Variants in SYNPR observed in about 807,000 individuals in gnomAD.
The protein encoded by SYNPR is synaptoporin.
A neutral mutation model predicts 32.9 loss-of-function variants in SYNPR; 23 were observed. The observed-to-expected ratio is 0.70, with a 90% CI of 0.50 to 0.99. SYNPR has a LOEUF of 0.99. SYNPR is among the 50% of genes least tolerant of loss of function. SYNPR has a pLI of 0.00. For synonymous variants in SYNPR, 146 were observed against 135.9 expected, an observed-to-expected ratio of 1.07 and a Z score of -0.52; for missense variants, 318 against 349.3, an observed-to-expected ratio of 0.91 and a Z score of 0.71.
intron 2 of SYNPR, among the ~76,000 whole-genome samples, chr3:63,288,050 T>A (rs1188420190): frequency 6.6e-6 from 1 of 152,224 alleles, no homozygotes; most frequent in Non-Finnish European, 1.5e-5. Flanking sequence ...TCCCATTTAT[T>A]CTTGTCATTA....
intron 4 of SYNPR, among the ~76,000 whole-genome samples, chr3:63,585,933 A>G (rs1417546580): frequency 6.6e-6 from 1 of 152,106 alleles, no homozygotes; most frequent in Non-Finnish European, 1.5e-5. Context: ...CTGTCAGAAT[A>G]AAAACATCTA....
chr3:63,342,251 T>C (rs2087380011), intron 2 of SYNPR, among the ~76,000 whole-genome samples: 1 of 152,224 alleles, frequency 6.6e-6, no homozygotes, highest in Admixed American at 6.5e-5. Context: ...TACACTGCCT[T>C]GATTCTTGTA....
At chr3:63,209,277 C>T in the SYNPR span, among the ~76,000 whole-genome samples, 5,408 of 135,672 alleles carry the variant, frequency 0.04, 217 homozygotes, top group East Asian at 0.17. Context: ...GAGATCGCGC[C>T]ACTGCACTCC....
intron 4 of SYNPR, among the ~76,000 whole-genome samples, chr3:63,559,544 A>C (rs1269373525): frequency 1.3e-5 from 2 of 152,192 alleles, no homozygotes; most frequent in Non-Finnish European, 2.9e-5. Flanking sequence ...TAGAGATCTG[A>C]ACCTTAAAAC....
chr3:63,413,198 C>T (rs142576697), intron 2 of SYNPR, among the ~76,000 whole-genome samples: 29 of 152,246 alleles, frequency 1.9e-4, no homozygotes, highest in East Asian at 1.5e-3. Flanking sequence ...TTTTCCATCA[C>T]GAAGCAAATT....
Position 63,589,592 on chromosome 3 carries a change from A to AAAAGC in SYNPR, c.409-19532_409-19528dup, listed in dbSNP as rs1188321828. Among the ~76,000 whole-genome samples, 4 of 151,228 alleles carry AAAAGC rather than the reference A, an allele frequency of 2.6e-5. No homozygotes were observed. In the East Asian group the frequency reaches 7.9e-4, roughly 30 times the overall value. On this transcript the variant is annotated intron_variant, in intron 4 of 5. Transcript: ENST00000478300. ...GCAAACCGAATCCAGCAGCACATCA[A>AAAAGC]AAAGCTTATCCACCATGATCAAGTG...
At chr3:63,609,717 G>A (rs1407382694) in intron 5 of SYNPR, among the ~76,000 whole-genome samples, 1 of 152,074 alleles carries the variant, frequency 6.6e-6, no homozygotes, top group African/African-American at 2.4e-5. Flanking sequence ...GACCAGACTG[G>A]CCAACATGGT....
intron 2 of SYNPR, among the ~76,000 whole-genome samples, chr3:63,388,895 A>G (rs2088093802): frequency 6.6e-6 from 1 of 152,120 alleles, no homozygotes; most frequent in Non-Finnish European, 1.5e-5. Context: ...AATTCCCATA[A>G]ACAGGAAAAA....
rs192784771 is a variant in SYNPR, at chr3:63,506,840, G to A, written c.209+25884G>A. ...CCATGCTGCCTCTGAAACATATGAC[G>A]GCCCCTGAGCACTGGGCTATGAGAA... On this transcript the variant is annotated intron_variant, in intron 3 of 5. Transcript: ENST00000478300. Among the ~76,000 whole-genome samples, 243 of 152,140 alleles carry A rather than the reference G, an allele frequency of 1.6e-3. 1 individual carries two copies. Among genetic ancestry groups the A allele is most frequent in the African/African-American group, 5.4e-3 (226 of 41,488 alleles).
At chr3:63,603,636 T>C (rs898086997) in intron 4 of SYNPR, among the ~76,000 whole-genome samples, 1 of 152,228 alleles carries the variant, frequency 6.6e-6, no homozygotes, top group Non-Finnish European at 1.5e-5. Context: ...GTTAATTTGG[T>C]AAATCACATT....
chr3:63,284,725 T>C (rs867510397), intron 2 of SYNPR, among the ~76,000 whole-genome samples: 3 of 152,212 alleles, frequency 2.0e-5, no homozygotes, highest in South Asian at 4.1e-4. Flanking sequence ...TAATTTATGC[T>C]ATTGATAACA....
chr3:63,513,644 A>T (rs1287052947), intron 3 of SYNPR, among the ~76,000 whole-genome samples: 2 of 152,150 alleles, frequency 1.3e-5, no homozygotes, highest in East Asian at 3.9e-4. Flanking sequence ...TTTGAGGGAG[A>T]ATAGAGCCAA....
intron 2 of SYNPR, among the ~76,000 whole-genome samples, chr3:63,286,481 C>G (rs1468433873): frequency 6.6e-6 from 1 of 152,128 alleles, no homozygotes; most frequent in East Asian, 1.9e-4. Flanking sequence ...CTTGGGTGTT[C>G]CCCCATAGAA....
chr3:63,381,990 C>T (rs977078725), intron 2 of SYNPR, among the ~76,000 whole-genome samples: 1 of 152,132 alleles, frequency 6.6e-6, no homozygotes, highest in East Asian at 1.9e-4. Flanking sequence ...AGAAAACTTA[C>T]CTCCTGCTTT....
chr3:63,408,860 T>G (rs1338555078), intron 2 of SYNPR, among the ~76,000 whole-genome samples: 1 of 152,128 alleles, frequency 6.6e-6, no homozygotes, highest in Non-Finnish European at 1.5e-5. Context: ...GGGAATCCAT[T>G]AATCCACTCA....
intron 4 of SYNPR, among the ~76,000 whole-genome samples, chr3:63,607,222 G>A (rs889261265): frequency 6.6e-6 from 1 of 152,098 alleles, no homozygotes; most frequent in East Asian, 1.9e-4. Context: ...CCCATATTTT[G>A]CATTTTTTAA....
chr3:63,611,943 T>C (rs1439738399), intron 5 of SYNPR, among the ~76,000 whole-genome samples: 3 of 152,194 alleles, frequency 2.0e-5, no homozygotes, highest in African/African-American at 7.2e-5. Context: ...ACATAGGTTT[T>C]GGAGTAGGAG....
intron 2 of SYNPR, among the ~76,000 whole-genome samples, chr3:63,305,239 G>T (rs905564936): frequency 3.9e-5 from 6 of 151,988 alleles, no homozygotes; most frequent in African/African-American, 1.4e-4. Flanking sequence ...CTGAGCCTGG[G>T]GGTGACTGTA....
At chr3:63,305,182 A>G (rs918766568) in intron 2 of SYNPR, among the ~76,000 whole-genome samples, 11 of 152,010 alleles carry the variant, frequency 7.2e-5, no homozygotes, top group Non-Finnish European at 1.2e-4. Context: ...GAATGAGCCT[A>G]TGTACAATCT....
Sources: allele counts gnomAD v4.1 joint callset (sites outside exome capture counted in the v4.1 genomes callset), GRCh38; gene constraint gnomAD v4.1.1; transcripts MANE v1.5; gene names NCBI Gene and HGNC (gene_info 2026-07-23, HGNC 2026-07-21).